Variants in CDC5L observed in about 807,000 individuals in gnomAD.
CDC5L encodes cell division cycle 5-like protein.
A neutral mutation model predicts 104.1 loss-of-function variants in CDC5L; 18 were observed. The observed-to-expected ratio is 0.17, with a 90% CI of 0.12 to 0.26. CDC5L has a LOEUF of 0.26. Ranked by LOEUF, CDC5L falls within the 10% of genes least tolerant of loss-of-function variation. The probability of loss-of-function intolerance (pLI) is 1.00; values close to 1 mark genes in which losing one functional copy is unlikely to be tolerated. For synonymous variants in CDC5L, 331 were observed against 322.7 expected (o/e 1.03, Z -0.28); for missense variants, 673 against 956.9 (o/e 0.70, Z 3.91).
chr6:44,393,180 T>A (rs1790697447), intron 3 of CDC5L, among the ~76,000 whole-genome samples: 4 of 150,736 alleles, frequency 2.7e-5, no homozygotes, highest in Admixed American at 6.6e-5. Context: ...TTTTTTTTTT[T>A]TTTTTTTTTA....
chr6:44,393,718 G>A, intron 4 of CDC5L, 145 bp downstream of exon 4: 2 of 781,476 alleles, frequency 2.6e-6, no homozygotes, highest in South Asian at 2.2e-5. Flanking sequence ...AGGCTGGAAT[G>A]AAGTGGCACA....
Position 44,444,406 on chromosome 6 carries a change from G to C in CDC5L, c.2092-1249G>C, listed in dbSNP as rs557812444. 6.1e-4 allele frequency among the ~76,000 whole-genome samples: 93 copies of C among 152,264 alleles called. 1 individual carries two copies. The South Asian group carries it at 0.018, about 30-fold the overall frequency. On this transcript the variant is annotated intron_variant, in intron 14 of 15. Transcript: ENST00000371477. ...CCCTTGTCTGTGTGGAGCTATAAAA[G>C]TGTGGCACTCAGTCTGTGGACAAAC...
intron 7 of CDC5L, among the ~76,000 whole-genome samples, chr6:44,407,636 C>CT (rs1307595851): frequency 5.8e-4 from 88 of 151,966 alleles, no homozygotes; most frequent in African/African-American, 2.0e-3. Flanking sequence ...CCAGCTAACC[C>CT]TTTTTTTTGT....
rs528253398 is a variant in CDC5L at position 44,422,591 on chromosome 6, A to G, written c.1242-56A>G. ...AATAATTTATGTGAAAAACATTTGA[A>G]AGCACAATCCAAATGTAAGTGGCAC... On this transcript the variant is annotated intron_variant, in intron 9 of 15. Coordinates refer to ENST00000371477, the MANE Select transcript of CDC5L (RefSeq NM_001253.4). 6.4e-6 allele frequency: 7 copies of G among 1,098,892 alleles called. No individual in the cohort carries two copies. In the South Asian group the frequency reaches 1.3e-4, roughly 21 times the overall value. 68.1% of individuals were successfully genotyped at this position (1,098,892 alleles called of 1,614,324 possible). A position where few individuals can be genotyped will look rare whatever the true frequency, so the allele number is the denominator to read the frequency against.
chr6:44,416,589 C>T (rs1791918303), intron 8 of CDC5L, among the ~76,000 whole-genome samples: 2 of 152,190 alleles, frequency 1.3e-5, no homozygotes, highest in South Asian at 4.1e-4. Flanking sequence ...TTTTGATGAA[C>T]TCTACTCAGT....
chr6:44,387,778 C>T lies in CDC5L; in HGVS notation c.-46C>T, dbSNP rs1203128768. On this transcript the variant is annotated 5_prime_UTR_variant, in exon 1 of 16. Coordinates refer to ENST00000371477, the MANE Select transcript of CDC5L (RefSeq NM_001253.4). ...GGTGGCCCAATCGCTGTTACTACTTCTCTGAAGCTCCTCTCGGCTGCTTGC... is the reference window on the plus strand; with the variant it reads ...GGTGGCCCAATCGCTGTTACTACTTTTCTGAAGCTCCTCTCGGCTGCTTGC... The T allele has an allele frequency of 3.9e-6, 6 of 1,529,662 alleles. No homozygotes were observed. Among genetic ancestry groups the T allele is most frequent in the Non-Finnish European group, 5.3e-6 (6 of 1,127,324 alleles). The allele number at this position is 1,529,662 out of a possible 1,614,324, so 94.8% of individuals were successfully genotyped here.
chr6:44,405,264 T>TA (rs146490937), intron 6 of CDC5L, among the ~76,000 whole-genome samples: 2,839 of 152,330 alleles, frequency 0.019, 69 homozygotes, highest in African/African-American at 0.058. Context: ...CATGAATTGT[T>TA]ACAAAACAAC....
In CDC5L at chr6:44,449,854, G is replaced by GCAAA. The variant is rs1793581372; in HGVS notation, c.*3143_*3144insCAAA. 2 of 151,352 alleles carry GCAAA rather than the reference G, an allele frequency of 1.3e-5. No homozygotes were observed. Among genetic ancestry groups the GCAAA allele is most frequent in the Non-Finnish European group, 2.9e-5 (2 of 67,912 alleles). The allele number at this position is 151,352 out of a possible 1,614,324, so 9.4% of individuals were successfully genotyped here. A position where few individuals can be genotyped will look rare whatever the true frequency, so the allele number is the denominator to read the frequency against. On this transcript the variant is annotated 3_prime_UTR_variant, in exon 16 of 16. Transcript: ENST00000371477. ...TTACATTAGTGAGATTGGTCTTTTG[G>GCAAA]GCTATTGTACTTTTTTTTTTTTTTT...
chr6:44,449,171 A>C lies in CDC5L; in HGVS notation c.*2460A>C, dbSNP rs1313989687. On this transcript the variant is annotated 3_prime_UTR_variant, in exon 16 of 16. Transcript: ENST00000371477. Reference sequence around the variant, plus strand: ...TTTCAAAATTTGAAGTAATTCACATACTTATAGCCTAAAAAAATCGGCAGG... The same window carrying C: ...TTTCAAAATTTGAAGTAATTCACATCCTTATAGCCTAAAAAAATCGGCAGG... The C allele has an allele frequency of 1.4e-5, 2 of 146,218 alleles. No homozygotes were observed. Among genetic ancestry groups the C allele is most frequent in the African/African-American group, 5.0e-5 (2 of 40,382 alleles). The allele number at this position is 146,218 out of a possible 1,614,324, so 9.1% of individuals were successfully genotyped here.
At chr6:44,390,191 A>T in intron 1 of CDC5L, 77 bp from the exon 2 acceptor site, 1 of 840,500 alleles carries the variant, frequency 1.2e-6, no homozygotes, top group African/African-American at 1.7e-5. Flanking sequence ...CAATAGCCCT[A>T]TCAGAGTTAA....
intron 9 of CDC5L, among the ~76,000 whole-genome samples, chr6:44,420,123 A>C (rs190622022): frequency 1.1e-4 from 16 of 152,296 alleles, no homozygotes; most frequent in African/African-American, 3.1e-4. Flanking sequence ...TCAGGCATTT[A>C]GAAAGGTTGA....
intron 5 of CDC5L, among the ~76,000 whole-genome samples, chr6:44,403,299 CT>C (rs1791214555): frequency 6.7e-6 from 1 of 148,566 alleles, no homozygotes; most frequent in Non-Finnish European, 1.5e-5. Context: ...GAATTGTTTC[CT>C]TTTGCTCTTT....
Position 44,425,256 on chromosome 6 carries a change from A to T in CDC5L, c.1569+673A>T, listed in dbSNP as rs11572017. 7.9e-3 allele frequency among the ~76,000 whole-genome samples: 1,202 copies of T among 152,308 alleles called. 21 individuals carry two copies. The highest frequency in any genetic ancestry group is 0.028 in the African/African-American group (1,149 of 41,560). On this transcript the variant is annotated intron_variant, in intron 11 of 15. Coordinates refer to ENST00000371477, the MANE Select transcript of CDC5L (RefSeq NM_001253.4). ...CAAAACTTTTTGAGTGCCGACATGA[A>T]GCTCAAAAGAAATGCTCATTGAAGC...
intron 14 of CDC5L, among the ~76,000 whole-genome samples, chr6:44,433,301 C>T (rs550654690): frequency 3.9e-4 from 60 of 152,180 alleles, no homozygotes; most frequent in African/African-American, 1.3e-3. Context: ...TGGAGAACCT[C>T]GTTTTCTGAT....
chr6:44,419,694 G>T, intron 9 of CDC5L, 97 bp downstream of exon 9: 1 of 911,366 alleles, frequency 1.1e-6, no homozygotes, highest in Non-Finnish European at 1.8e-6. Context: ...ACTACTTATT[G>T]TGTTGGATTT....
At position 44,390,256 on chromosome 6, in the gene CDC5L, A is replaced by C. The variant is rs1304256494; in HGVS notation, c.46-12A>C. The C allele has an allele frequency of 9.4e-6, 15 of 1,594,980 alleles. No individual in the cohort carries two copies. The highest frequency in any genetic ancestry group is 1.3e-5 in the African/African-American group (1 of 74,502). ...TTTGTGACTGAATGTACTCTTTGGC[A>C]ATTTTTTTTAGGATGAAATTCTGAA... is the stretch of plus-strand genomic sequence containing the variant. On this transcript the variant is annotated splice_polypyrimidine_tract_variant and intron_variant, in intron 1 of 15. Coordinates refer to ENST00000371477, the MANE Select transcript of CDC5L (RefSeq NM_001253.4).
At chr6:44,413,955 T>G (rs1791783063) in intron 8 of CDC5L, among the ~76,000 whole-genome samples, 1 of 152,244 alleles carries the variant, frequency 6.6e-6, no homozygotes, top group Non-Finnish European at 1.5e-5. Context: ...TTGTTTTCTG[T>G]CTTTTTGATT....
At chr6:44,410,834 C>T (rs560308524) in intron 8 of CDC5L, among the ~76,000 whole-genome samples, 1 of 152,088 alleles carries the variant, frequency 6.6e-6, no homozygotes, top group South Asian at 2.1e-4. Context: ...GTTTTTCTCC[C>T]TTTCATTGAT....
At chr6:44,433,335 C>G (rs16871894) in intron 14 of CDC5L, among the ~76,000 whole-genome samples, 5,530 of 152,164 alleles carry the variant, frequency 0.036, 208 homozygotes, top group African/African-American at 0.094. Context: ...TGAGTCATTA[C>G]TGTATTTGGG....
Sources: gnomAD v4.1 joint callset for allele counts (sites outside exome capture counted in the v4.1 genomes callset) on GRCh38, gnomAD v4.1.1 for gene constraint, MANE v1.5 for transcripts, NCBI Gene and HGNC (gene_info 2026-07-23, HGNC 2026-07-21) for gene names.